Variants in OTOGL observed in about 807,000 individuals in gnomAD.
OTOGL encodes the protein otogelin like.
A neutral mutation model predicts 318.5 loss-of-function variants in OTOGL; 285 were observed. The observed-to-expected ratio is 0.89, with a 90% confidence interval of 0.81 to 0.99. The LOEUF (loss-of-function observed/expected upper bound fraction) is 0.99. OTOGL is among the 50% of genes least tolerant of loss of function. The pLI is 0.00. For missense variants in OTOGL, 2,899 were observed against 2,845.6 expected (o/e 1.02, Z -0.43); for synonymous variants, 987 against 936.5 (o/e 1.05, Z -0.99).
intron 9 of OTOGL, among the ~76,000 whole-genome samples, chr12:80,238,551 T>C (rs1235772725): frequency 6.6e-6 from 1 of 152,244 alleles, no homozygotes; most frequent in Non-Finnish European, 1.5e-5. Flanking sequence ...ACATTGGCGA[T>C]AAATGCTTCA....
intron 43 of OTOGL, 49 bp from the exon 44 acceptor site, chr12:80,341,899 C>G: frequency 1.6e-6 from 2 of 1,251,916 alleles, no homozygotes; most frequent in Non-Finnish European, 2.3e-6. Flanking sequence ...GTTGTGCTGT[C>G]TACATTAGTT....
At chr12:80,279,609 G>A (rs1176089794) in intron 26 of OTOGL, among the ~76,000 whole-genome samples, 1 of 151,450 alleles carries the variant, frequency 6.6e-6, no homozygotes, top group Non-Finnish European at 1.5e-5. Context: ...CATCCATGTT[G>A]CTGCAAAAGA....
In OTOGL at chr12:80,247,993, CT is replaced by C. The variant is rs1173501223; in HGVS notation, c.1053-3693del. On this transcript the variant is annotated intron_variant, in intron 11 of 58. Transcript: ENST00000547103. ...CAGAGACTAGGATTGCAACCCCTGC[CT>C]TTTTTTGTTTTCCATTTGCTTGGTA... Among the ~76,000 whole-genome samples the C allele has an allele frequency of 3.5e-5, 3 of 84,774 alleles. No individual in the cohort carries two copies. The East Asian group carries it at 8.4e-4, about 24-fold the overall frequency. 55.6% of individuals were successfully genotyped at this position (84,774 alleles called of 152,430 possible). A position where few individuals can be genotyped will look rare whatever the true frequency, so the allele number is the denominator to read the frequency against.
chr12:80,239,759 T>TA (rs1592591695), intron 11 of OTOGL, among the ~76,000 whole-genome samples: 1 of 152,258 alleles, frequency 6.6e-6, no homozygotes, highest in East Asian at 1.9e-4. Context: ...ATCTTCTTGC[T>TA]ATTCTGAAAT....
Position 80,302,730 on chromosome 12 carries a change from A to T in OTOGL, c.3160A>T (p.Ile1054Phe). 1 of 1,542,460 alleles carries T rather than the reference A, an allele frequency of 6.5e-7. No individual in the cohort carries two copies. The highest frequency in any genetic ancestry group is 8.7e-7 in the Non-Finnish European group (1 of 1,149,248). ...ATACTTTCCAGAGAAAGATATCACT[A>T]TTCTTTGGGATAGGAAGACAACTAT... Reference protein sequence around the residue: ...VVYFPEKDITILWDRKTTIHI... With the variant: ...VVYFPEKDITFLWDRKTTIHI... The change falls in exon 28 of 59, where the codon ATT (isoleucine) becomes TTT (phenylalanine). Residue 1054 changes from isoleucine (I) to phenylalanine (F), a missense_variant. Ile to Phe is a conservative substitution (Grantham distance 21, BLOSUM62 0). This residue lies in a region of OTOGL where 2,607 missense variants were observed against 2,524.9 expected (regional missense o/e 1.03). Coordinates refer to ENST00000547103, the MANE Select transcript of OTOGL (RefSeq NM_001378609.3).
At position 80,380,598 on chromosome 12, in the gene OTOGL, TA is replaced by T. The variant is rs11416465; in HGVS notation, c.*2556del. The T allele has an allele frequency of 2.0e-5, 3 of 151,896 alleles. No individual in the cohort carries two copies. Among genetic ancestry groups the T allele is most frequent in the Non-Finnish European group, 2.9e-5 (2 of 67,922 alleles). The allele number at this position is 151,896 out of a possible 1,614,324, so 9.4% of individuals were successfully genotyped here. A position where few individuals can be genotyped will look rare whatever the true frequency, so the allele number is the denominator to read the frequency against. Reference sequence around the variant, plus strand: ...TTCAATTTCTCACCTACCAGACTGGTAAAAAACCAGAAGTTTAATGATACTT... The same window carrying T: ...TTCAATTTCTCACCTACCAGACTGGTAAAAACCAGAAGTTTAATGATACTT... On this transcript the variant is annotated 3_prime_UTR_variant, in exon 59 of 59. Transcript: ENST00000547103.
At chr12:80,146,039 T>A (rs1274735902) in intron 1 of OTOGL, among the ~76,000 whole-genome samples, 1 of 151,192 alleles carries the variant, frequency 6.6e-6, no homozygotes, top group Non-Finnish European at 1.5e-5. Flanking sequence ...CCTATTTGAA[T>A]ACCCTTTATT....
intron 1 of OTOGL, among the ~76,000 whole-genome samples, chr12:80,152,446 C>A (rs1189269356): frequency 2.0e-5 from 3 of 152,002 alleles, no homozygotes; most frequent in East Asian, 3.9e-4. Flanking sequence ...GTCAGAGGTA[C>A]TAAAACTAAT....
At chr12:80,216,898 G>GT (rs1877778456) in intron 4 of OTOGL, among the ~76,000 whole-genome samples, 1 of 151,930 alleles carries the variant, frequency 6.6e-6, no homozygotes, top group Middle Eastern at 3.2e-3. Context: ...GTATACATAT[G>GT]TAACAAACCT....
At chr12:80,235,390 G>A (rs576157603) in intron 9 of OTOGL, among the ~76,000 whole-genome samples, 1 of 148,112 alleles carries the variant, frequency 6.8e-6, no homozygotes, top group South Asian at 2.1e-4. Flanking sequence ...GCTTGAACAT[G>A]GGAGGTGGAG....
chr12:80,339,369 A>T (rs1436642579), intron 43 of OTOGL, 105 bp downstream of exon 43: 2 of 914,024 alleles, frequency 2.2e-6, no homozygotes, highest in Non-Finnish European at 3.2e-6. Context: ...CATTTTTCAG[A>T]TTTGAGATGT....
intron 26 of OTOGL, among the ~76,000 whole-genome samples, chr12:80,281,058 C>CT (rs1323524518): frequency 2.6e-5 from 4 of 151,842 alleles, no homozygotes; most frequent in African/African-American, 9.7e-5. Context: ...TATCCTGAAA[C>CT]TTTACTGAAG....
chr12:80,367,471 G>C, intron 53 of OTOGL, 90 bp from the exon 54 acceptor site: 12 of 1,056,212 alleles, frequency 1.1e-5, no homozygotes, highest in Non-Finnish European at 1.5e-5. Context: ...ACATCGCAAT[G>C]AAAACATAGA....
At chr12:80,363,790 A>G (rs748522664) in intron 52 of OTOGL, among the ~76,000 whole-genome samples, 2 of 151,982 alleles carry the variant, frequency 1.3e-5, no homozygotes, top group Admixed American at 1.3e-4. Flanking sequence ...AACAAGAAAA[A>G]CCTAGCCTTT....
chr12:80,349,848 G>A (rs1010591454), intron 44 of OTOGL, among the ~76,000 whole-genome samples: 4 of 152,094 alleles, frequency 2.6e-5, no homozygotes, highest in East Asian at 1.9e-4. Flanking sequence ...TGTGTACAAC[G>A]TGGTGTTTTG....
At chr12:80,125,944 G>T (rs1296024149) in intron 1 of OTOGL, among the ~76,000 whole-genome samples, 2 of 151,650 alleles carry the variant, frequency 1.3e-5, no homozygotes, top group Non-Finnish European at 2.9e-5. Flanking sequence ...TTCTTAATTA[G>T]TCTTGCTAGC....
intron 4 of OTOGL, among the ~76,000 whole-genome samples, chr12:80,213,292 C>A (rs1206356422): frequency 1.3e-5 from 2 of 152,194 alleles, no homozygotes; most frequent in African/African-American, 4.8e-5. Flanking sequence ...CATGTTAATG[C>A]ATTATAACTA....
intron 57 of OTOGL, among the ~76,000 whole-genome samples, chr12:80,374,647 T>C (rs1891080135): frequency 6.6e-6 from 1 of 152,142 alleles, no homozygotes; most frequent in African/African-American, 2.4e-5. Flanking sequence ...GATTTCACTT[T>C]TTTTTTTCCA....
At position 80,268,629 on chromosome 12, in the gene OTOGL, C is replaced by T. The variant is rs1364761236; in HGVS notation, c.2465+1302C>T. 2.0e-5 allele frequency among the ~76,000 whole-genome samples: 3 copies of T among 152,140 alleles called. No homozygotes were observed. In the East Asian group the frequency reaches 5.8e-4, roughly 29 times the overall value. Reference sequence around the variant, plus strand: ...ATTCACACAGTTTCCCAAGCCAGAGCTCCAGGAATCATTTTCGACTCTTTC... The same window carrying T: ...ATTCACACAGTTTCCCAAGCCAGAGTTCCAGGAATCATTTTCGACTCTTTC... On this transcript the variant is annotated intron_variant, in intron 22 of 58. Coordinates refer to ENST00000547103, the MANE Select transcript of OTOGL (RefSeq NM_001378609.3).
Sources: allele counts gnomAD v4.1 joint callset (sites outside exome capture counted in the v4.1 genomes callset), GRCh38; gene constraint gnomAD v4.1.1; regional missense constraint gnomAD v4.1.1; transcripts MANE v1.5; gene names NCBI Gene and HGNC (gene_info 2026-07-23, HGNC 2026-07-21).